The following RPF2 variants were observed in gnomAD, a reference collection of about 807,000 sequenced individuals.
The protein encoded by RPF2 is ribosome production factor 2 homolog.
Under a neutral mutation model 38.9 loss-of-function variants are expected in RPF2, and 21 were observed. The ratio of observed to expected loss-of-function variants is 0.54; its 90% confidence interval spans 0.38 to 0.78. The LOEUF (loss-of-function observed/expected upper bound fraction) is 0.78, where lower values mean the gene tolerates loss of function less well. Ranked by LOEUF, RPF2 falls within the 30% of genes least tolerant of loss-of-function variation. RPF2 has a pLI of 0.00. For missense variants in RPF2, 314 were observed against 358.1 expected (o/e 0.88, Z 0.99); for synonymous variants, 121 against 126.2 (o/e 0.96, Z 0.28).
chr6:111,022,803 T>A (rs1772257265), intron 8 of RPF2, among the ~76,000 whole-genome samples: 1 of 152,260 alleles, frequency 6.6e-6, no homozygotes, highest in African/African-American at 2.4e-5. Flanking sequence ...TGAGCTGTTT[T>A]GAATTGACAA....
At chr6:110,985,447 A>G (rs1300296179) in intron 2 of RPF2, among the ~76,000 whole-genome samples, 1 of 152,102 alleles carries the variant, frequency 6.6e-6, no homozygotes, top group Admixed American at 6.6e-5. Context: ...ATTTTAGGAA[A>G]AAATCTAATT....
At chr6:111,003,850 T>C (rs1771856331) in intron 6 of RPF2, among the ~76,000 whole-genome samples, 1 of 152,078 alleles carries the variant, frequency 6.6e-6, no homozygotes, top group Admixed American at 6.6e-5. Flanking sequence ...TTTGTTCTTG[T>C]TGCCCAGACT....
At chr6:111,013,273 A>G (rs1772050655) in intron 7 of RPF2, among the ~76,000 whole-genome samples, 1 of 152,242 alleles carries the variant, frequency 6.6e-6, no homozygotes, top group African/African-American at 2.4e-5. Context: ...ACAATTTATT[A>G]AGTGAATGGA....
chr6:111,003,171 T>C (rs6909831), intron 6 of RPF2, among the ~76,000 whole-genome samples: 25 of 152,162 alleles, frequency 1.6e-4, no homozygotes, highest in African/African-American at 6.0e-4. Context: ...TTAATTTGTT[T>C]TGGTACACTT....
chr6:111,006,481 C>G (rs915718405), intron 6 of RPF2, among the ~76,000 whole-genome samples: 4 of 116,218 alleles, frequency 3.4e-5, no homozygotes, highest in African/African-American at 1.2e-4. Flanking sequence ...AGTGATCAGC[C>G]CCGTCTCTGC....
At position 110,982,078 on chromosome 6, in the gene RPF2, CTGGTT is replaced by C; in HGVS notation, c.-28_-24del. The C allele has an allele frequency of 6.2e-7, 1 of 1,614,052 alleles. No individual in the cohort carries two copies. The highest frequency in any genetic ancestry group is 1.3e-5 in the African/African-American group (1 of 75,064). On this transcript the variant is annotated 5_prime_UTR_variant, in exon 1 of 10. It removes the in-frame stop codon of an upstream open reading frame in the 5' UTR. Coordinates refer to ENST00000441448, the MANE Select transcript of RPF2 (RefSeq NM_032194.3). The stretch of plus-strand genomic sequence containing the variant: ...ATCGCCGAGGGCACGTGCATGCCCC[CTGGTT>C]AAGAGTTGCAGGTAGCGGTAGCGAT...
intron 6 of RPF2, among the ~76,000 whole-genome samples, chr6:111,007,114 C>G (rs534112263): frequency 1.2e-4 from 18 of 152,278 alleles, no homozygotes; most frequent in Admixed American, 1.2e-3. Flanking sequence ...CACTCCTGGC[C>G]TCAAGCTGTC....
At position 110,985,137 on chromosome 6, in the gene RPF2, TG is replaced by T. The variant is rs1211060340; in HGVS notation, c.156+1del. ...NATVTKVLKD[V>X]YALKKPYGVL... ...ACAGTGACAAAAGTACTTAAAGATG[TG>T]GTAAGTATATATACTTAATCTTTAA... On this transcript the variant is annotated frameshift_variant and splice_region_variant, in exon 2 of 10. Coordinates refer to ENST00000441448, the MANE Select transcript of RPF2 (RefSeq NM_032194.3). LOFTEE classifies it high-confidence loss of function. The T allele has an allele frequency of 1.2e-6, 2 of 1,611,696 alleles. No individual in the cohort carries two copies. The highest frequency in any genetic ancestry group is 2.7e-5 in the African/African-American group (2 of 74,810).
chr6:110,991,442 T>C (rs1044585566), intron 3 of RPF2, among the ~76,000 whole-genome samples: 25 of 151,226 alleles, frequency 1.7e-4, no homozygotes, highest in Admixed American at 4.0e-4. Context: ...TATTGAATAC[T>C]GTCAATCCGT....
chr6:111,015,262 G>T (rs527630611), intron 7 of RPF2, among the ~76,000 whole-genome samples: 1 of 152,104 alleles, frequency 6.6e-6, no homozygotes, highest in East Asian at 1.9e-4. Context: ...TTCTTTTCTG[G>T]CATTAACAGT....
rs1475688567 is a variant in RPF2, at chr6:110,999,721, T to C, written c.327T>C (p.Tyr109=). ...ACATTTTCCTTCCAGGTCGTATGTA[T>C]GACTACCATGTGCTGGATATGATTG... ...RPNNLVIGRM[Y]DYHVLDMIEL... The change falls in exon 6 of 10, where the codon TAT becomes TAC. Residue 109 remains tyrosine (Y), a synonymous_variant. Transcript: ENST00000441448. 6.2e-7 allele frequency: 1 copy of C among 1,603,734 alleles called. No individual in the cohort carries two copies.
At chr6:111,024,704 CA>C (rs397737242) in intron 9 of RPF2, among the ~76,000 whole-genome samples, 185 of 89,214 alleles carry the variant, frequency 2.1e-3, no homozygotes, top group Admixed American at 5.8e-3. Context: ...CAGAGTGAGC[CA>C]AAAAAAAAAA....
intron 8 of RPF2, among the ~76,000 whole-genome samples, chr6:111,016,449 T>C (rs1169282363): frequency 6.6e-6 from 1 of 151,958 alleles, no homozygotes; most frequent in Non-Finnish European, 1.5e-5. Flanking sequence ...CCAGAAAAAT[T>C]AGCCCAGCGT....
chr6:110,982,458 T>C (rs1771449317), intron 1 of RPF2: 1 of 378,650 alleles, frequency 2.6e-6, no homozygotes, highest in African/African-American at 2.1e-5. Flanking sequence ...ATCCGACAGA[T>C]CTGAGTGACA....
At chr6:110,987,943 A>C (rs942759593) in intron 2 of RPF2, among the ~76,000 whole-genome samples, 1 of 152,160 alleles carries the variant, frequency 6.6e-6, no homozygotes, top group Non-Finnish European at 1.5e-5. Flanking sequence ...GGATCACTTA[A>C]GCCTAGGATG....
Position 111,024,406 on chromosome 6 carries a change from G to A in RPF2, c.741+79G>A, listed in dbSNP as rs143243939. On this transcript the variant is annotated intron_variant, in intron 9 of 9. Transcript: ENST00000441448. ...TTTTTCTTTCCAAAAAGAATTTGTG[G>A]CATATTATATTAAAAGACAAGGACA... 1.3e-3 allele frequency: 1,864 copies of A among 1,406,856 alleles called. 2 individuals are homozygous for A. Among genetic ancestry groups the A allele is most frequent in the Non-Finnish European group, 1.7e-3 (1,756 of 1,045,196 alleles). 87.1% of individuals were successfully genotyped at this position (1,406,856 alleles called of 1,614,324 possible).
chr6:111,019,932 T>TTTTTTA (rs1772200704), intron 8 of RPF2, among the ~76,000 whole-genome samples: 3 of 151,934 alleles, frequency 2.0e-5, no homozygotes, highest in Admixed American at 6.6e-5. Flanking sequence ...GTTTTTTTTT[T>TTTTTTA]GAGACGGAGT....
At chr6:111,003,692 C>T (rs1328561855) in intron 6 of RPF2, among the ~76,000 whole-genome samples, 1 of 152,074 alleles carries the variant, frequency 6.6e-6, no homozygotes, top group East Asian at 1.9e-4. Context: ...TGCTTGGTGG[C>T]ATGTGCCTGT....
At chr6:110,997,335 G>T in intron 5 of RPF2, 71 bp downstream of exon 5, 3 of 883,508 alleles carry the variant, frequency 3.4e-6, no homozygotes, top group Non-Finnish European at 3.7e-6. Flanking sequence ...ATTCATACGG[G>T]TCTGCAGCAA....
Sources: allele counts gnomAD v4.1 joint callset (sites outside exome capture counted in the v4.1 genomes callset), GRCh38; gene constraint gnomAD v4.1.1; transcripts MANE v1.5; gene names NCBI Gene and HGNC (gene_info 2026-07-23, HGNC 2026-07-21).